The following WWOX variants were observed in gnomAD, a reference collection of about 807,000 sequenced individuals.
WWOX encodes WW domain-containing oxidoreductase.
Under a neutral mutation model 46.2 loss-of-function variants are expected in WWOX, and 69 were observed. The observed-to-expected ratio is 1.49, with a 90% CI of 1.23 to 1.82. The LOEUF (loss-of-function observed/expected upper bound fraction) is 1.82, where lower values mean the gene tolerates loss of function less well. Among genes scored for constraint, WWOX ranks in the 40% most tolerant of loss-of-function variants. The probability of loss-of-function intolerance (pLI) is 0.00; values close to 1 mark genes in which losing one functional copy is unlikely to be tolerated. For synonymous variants in WWOX, 359 were observed against 202.6 expected, an observed-to-expected ratio of 1.77 and a Z score of -6.56; for missense variants, 919 against 542.6, an observed-to-expected ratio of 1.69 and a Z score of -6.89.
chr16:78,638,064 C>T (rs796284790), intron 8 of WWOX, among the ~76,000 whole-genome samples: 5 of 152,166 alleles, frequency 3.3e-5, no homozygotes, highest in Non-Finnish European at 7.3e-5. Context: ...CTGGGTTCTC[C>T]GTACCGCTTT....
chr16:79,191,006 G>T (rs1433707134), intron 8 of WWOX, among the ~76,000 whole-genome samples: 2 of 152,156 alleles, frequency 1.3e-5, no homozygotes, highest in Non-Finnish European at 2.9e-5. Flanking sequence ...TGTATAATAA[G>T]ATGCTGGGAA....
At chr16:78,422,684 TACACACACACAC>T (rs1199317546) in intron 6 of WWOX, among the ~76,000 whole-genome samples, 27 of 52,930 alleles carry the variant, frequency 5.1e-4, no homozygotes, top group Middle Eastern at 8.6e-3. Flanking sequence ...TATATATATA[TACACACACACAC>T]ACACATATAT....
intron 8 of WWOX, among the ~76,000 whole-genome samples, chr16:78,935,437 G>T (rs2045716002): frequency 6.6e-6 from 1 of 152,146 alleles, no homozygotes; most frequent in Non-Finnish European, 1.5e-5. Flanking sequence ...AAAAAAGGAT[G>T]AGTTCATGTC....
chr16:78,959,832 C>G (rs368233585), intron 8 of WWOX, among the ~76,000 whole-genome samples: 1 of 152,096 alleles, frequency 6.6e-6, no homozygotes, highest in East Asian at 1.9e-4. Context: ...ATACGGGGAA[C>G]TATAAAAGAT....
intron 8 of WWOX, among the ~76,000 whole-genome samples, chr16:78,842,702 A>G (rs928057256): frequency 6.6e-6 from 1 of 152,108 alleles, no homozygotes; most frequent in Non-Finnish European, 1.5e-5. Flanking sequence ...CATTTCTACA[A>G]GAAGTAAAAA....
intron 8 of WWOX, among the ~76,000 whole-genome samples, chr16:78,870,841 G>A (rs1227072511): frequency 5.9e-5 from 9 of 152,258 alleles, no homozygotes; most frequent in African/African-American, 2.2e-4. Flanking sequence ...AGCTTAGGCA[G>A]TCTGCCCACC....
chr16:78,916,069 C>T (rs8049613), intron 8 of WWOX, among the ~76,000 whole-genome samples: 146,553 of 152,276 alleles, frequency 0.96, 70,724 homozygotes, highest in Non-Finnish European at 1. Context: ...AGACACGATG[C>T]TATCATTGTG....
chr16:78,861,364 G>A (rs943907198), intron 8 of WWOX, among the ~76,000 whole-genome samples: 16 of 152,026 alleles, frequency 1.1e-4, no homozygotes, highest in African/African-American at 3.9e-4. Flanking sequence ...TTTGGCTCCA[G>A]CTTATTATTT....
intron 8 of WWOX, among the ~76,000 whole-genome samples, chr16:78,888,210 C>A (rs1007865541): frequency 3.3e-5 from 5 of 152,196 alleles, no homozygotes; most frequent in African/African-American, 9.6e-5. Context: ...TTTAACCCTA[C>A]CCAAGGTGTT....
intron 8 of WWOX, among the ~76,000 whole-genome samples, chr16:78,455,367 G>A (rs1365510053): frequency 2.0e-5 from 3 of 152,070 alleles, no homozygotes; most frequent in South Asian, 4.1e-4. Flanking sequence ...GAGGCTAGGT[G>A]TGGTGGCTCA....
intron 8 of WWOX, among the ~76,000 whole-genome samples, chr16:79,174,590 G>T (rs2050764146): frequency 6.6e-6 from 1 of 152,344 alleles, no homozygotes; most frequent in Middle Eastern, 3.4e-3. Context: ...AGAGGTTTCA[G>T]TGAGCCGAGA....
At chr16:78,732,153 C>G (rs757565709) in intron 8 of WWOX, among the ~76,000 whole-genome samples, 1 of 152,090 alleles carries the variant, frequency 6.6e-6, no homozygotes, top group Non-Finnish European at 1.5e-5. Flanking sequence ...TGTGAGCCCC[C>G]AACCCCAAAA....
chr16:79,208,275 G>A (rs945058915), intron 8 of WWOX, among the ~76,000 whole-genome samples: 8 of 151,930 alleles, frequency 5.3e-5, no homozygotes, highest in South Asian at 2.1e-4. Context: ...GTCCTGTGTC[G>A]TCAACAACCT....
intron 6 of WWOX, among the ~76,000 whole-genome samples, chr16:78,422,684 T>TATATATATATATACAC (rs1263877025): frequency 3.8e-5 from 2 of 52,962 alleles, no homozygotes; most frequent in Admixed American, 2.1e-4. Context: ...TATATATATA[T>TATATATATATATACAC]ACACACACAC....
rs529183430 is a variant in WWOX at position 78,482,086 on chromosome 16, G to T, written c.1056+49334G>T. Among the ~76,000 whole-genome samples, 6 of 152,226 alleles carry T rather than the reference G, an allele frequency of 3.9e-5. 1 individual carries two copies. The highest frequency in any genetic ancestry group is 1.2e-4 in the African/African-American group (5 of 41,538). ...TTGTTATGGTCCCACCTATTCTGGG[G>T]AATAGGTGGATATTATACATTTATT... is the stretch of plus-strand genomic sequence containing the variant. On this transcript the variant is annotated intron_variant, in intron 8 of 8. Transcript: ENST00000566780.
At chr16:78,362,209 C>T (rs1398772518) in intron 5 of WWOX, among the ~76,000 whole-genome samples, 2 of 151,910 alleles carry the variant, frequency 1.3e-5, no homozygotes, top group Non-Finnish European at 2.9e-5. Flanking sequence ...TTGTACTGAA[C>T]TCGTGGGAGC....
intron 5 of WWOX, among the ~76,000 whole-genome samples, chr16:78,285,954 G>T (rs752435110): frequency 6.6e-6 from 1 of 152,154 alleles, no homozygotes; most frequent in East Asian, 1.9e-4. Context: ...CCTAAAGCCT[G>T]CTAGTGAATT....
chr16:78,713,295 A>AT (rs1288187441), intron 8 of WWOX, among the ~76,000 whole-genome samples: 1 of 150,546 alleles, frequency 6.6e-6, no homozygotes, highest in African/African-American at 2.4e-5. Flanking sequence ...AAAAAAAAAA[A>AT]AAAAAAGCTA....
chr16:78,589,292 A>G (rs2045296425), intron 8 of WWOX, among the ~76,000 whole-genome samples: 1 of 152,220 alleles, frequency 6.6e-6, no homozygotes, highest in Non-Finnish European at 1.5e-5. Flanking sequence ...CAAATGAAGA[A>G]TATTTAGTCC....
Sources: allele counts gnomAD v4.1 joint callset (sites outside exome capture counted in the v4.1 genomes callset), GRCh38; gene constraint gnomAD v4.1.1; transcripts MANE v1.5; gene names NCBI Gene and HGNC (gene_info 2026-07-23, HGNC 2026-07-21).